EML2: variants seen among roughly 807,000 people sequenced by gnomAD.
The protein encoded by EML2 is echinoderm microtubule-associated protein-like 2.
A neutral mutation model predicts 84.7 loss-of-function variants in EML2; 59 were observed. The observed-to-expected ratio is 0.70, with a 90% CI of 0.56 to 0.86. EML2 has a LOEUF of 0.86. Ranked by LOEUF, EML2 falls within the 40% of genes least tolerant of loss-of-function variation. EML2 has a pLI of 0.00. For synonymous variants in EML2, 352 were observed against 348.9 expected (o/e 1.01, Z -0.10); for missense variants, 818 against 855.6 (o/e 0.96, Z 0.55).
chr19:45,610,839 A>T (rs574182501), intron 18 of EML2, among the ~76,000 whole-genome samples: 49 of 152,256 alleles, frequency 3.2e-4, no homozygotes, highest in African/African-American at 1.2e-3. Flanking sequence ...GACTCTGTCA[A>T]AAAAACAAAA....
chr19:45,626,649 C>A, intron 8 of EML2, 56 bp downstream of exon 8: 1 of 1,564,648 alleles, frequency 6.4e-7, no homozygotes, highest in Non-Finnish European at 8.7e-7. Flanking sequence ...ACCTCCCTGC[C>A]TGTCCCTAAC....
At chr19:45,629,043 C>G (rs143277823) in intron 7 of EML2, among the ~76,000 whole-genome samples, 1,584 of 152,176 alleles carry the variant, frequency 0.01, 22 homozygotes, top group African/African-American at 0.035. Flanking sequence ...ACCCACCCTT[C>G]TGTTGGGCCT....
intron 2 of EML2, 72 bp downstream of exon 2, chr19:45,638,773 C>T: frequency 6.2e-7 from 1 of 1,602,194 alleles, no homozygotes; most frequent in Non-Finnish European, 8.5e-7. Context: ...GCCAAGACTC[C>T]TGACCTCTGG....
chr19:45,616,178 G>C (rs1219110887), intron 15 of EML2: 5 of 561,622 alleles, frequency 8.9e-6, no homozygotes, highest in Non-Finnish European at 1.6e-5. Context: ...ATGTTGAGGG[G>C]CGGGGCTACA....
rs767577888 is a variant in EML2, at chr19:45,614,627, A to G, written c.1671T>C (p.Cys557=). Residue 557 remains cysteine, a synonymous_variant, in exon 17 of 19, where the codon TGT becomes TGC. Transcript: ENST00000245925. ...CACCAAACACCCCAAACCCTAGGACACAAGTAGCTGTGGCCCATTCCATGT... is the reference window on the plus strand; with the variant it reads ...CACCAAACACCCCAAACCCTAGGACGCAAGTAGCTGTGGCCCATTCCATGT... ...VRNMEWATAT[C]VLGFGVFGIW... 1 of 1,614,088 alleles carries G rather than the reference A, an allele frequency of 6.2e-7. No individual in the cohort carries two copies. Among genetic ancestry groups the G allele is most frequent in the South Asian group, 1.1e-5 (1 of 91,084 alleles).
At chr19:45,641,827 C>T, upstream of EML2, 1 of 1,507,474 alleles carries the variant, frequency 6.6e-7, no homozygotes, top group Non-Finnish European at 8.9e-7. Flanking sequence ...ATTCTCCCTG[C>T]ACCCTCTGCT....
In EML2 at chr19:45,634,346, A is replaced by C; in HGVS notation, c.305T>G (p.Leu102Arg). Residue 102 changes from leucine (L) to arginine (R), a missense_variant, in exon 4 of 19, where the codon CTG becomes CGG. Physicochemically the swap from Leu to Arg is moderately radical, Grantham distance 102. Coordinates refer to ENST00000245925, the MANE Select transcript of EML2 (RefSeq NM_012155.4). ...CCATTTGATGTCATCGTTGTGTCCC[A>C]GGTAGTGTCGCTGCCTCTGCTCCTC... ...SVEEQRQRHY[L>R]GHNDDIKCLA... 1 of 1,613,674 alleles carries C rather than the reference A, an allele frequency of 6.2e-7. No homozygotes were observed. Among genetic ancestry groups the C allele is most frequent in the South Asian group, 1.1e-5 (1 of 91,080 alleles).
At chr19:45,621,750 C>T (rs1971743225) in intron 9 of EML2, 113 bp from the exon 10 acceptor site, 4 of 994,680 alleles carry the variant, frequency 4.0e-6, no homozygotes, top group East Asian at 2.9e-5. Flanking sequence ...ACTTTTCCAC[C>T]TTTTTTTTTT....
Position 45,634,332 on chromosome 19 carries a change from C to G in EML2, c.319G>C (p.Asp107His). The G allele has an allele frequency of 6.2e-7, 1 of 1,613,330 alleles. No individual in the cohort carries two copies. The highest frequency in any genetic ancestry group is 8.5e-7 in the Non-Finnish European group (1 of 1,179,528). ...TGTCCCACATCTCACCATTTGATGT[C>G]ATCGTTGTGTCCCAGGTAGTGTCGC... ...RQRHYLGHND[D>H]IKCLAIHPDM... Residue 107 changes from aspartate (D) to histidine (H), a missense_variant, in exon 4 of 19, where the codon GAC becomes CAC. Transcript: ENST00000245925.
chr19:45,620,714 GAAAA>G, intron 11 of EML2: 5 of 106,862 alleles, frequency 4.7e-5, no homozygotes, highest in South Asian at 1.7e-4. Context: ...TCTCAAAAAT[GAAAA>G]AAAAAAAAAA....
At chr19:45,613,723 G>T in intron 17 of EML2, 52 bp from the exon 18 acceptor site, 1 of 1,587,566 alleles carries the variant, frequency 6.3e-7, no homozygotes. Context: ...GCCAGGGACC[G>T]CCAAGAGGAG....
At chr19:45,633,015 TG>T (rs758077378) in intron 5 of EML2, 44 bp from the exon 6 acceptor site, 2 of 1,604,134 alleles carry the variant, frequency 1.2e-6, no homozygotes, top group Non-Finnish European at 1.7e-6. Flanking sequence ...GCCAGCTGCT[TG>T]TCCCCCACAA....
intron 18 of EML2, 97 bp from the exon 19 acceptor site, chr19:45,609,885 C>T: frequency 7.2e-7 from 1 of 1,383,256 alleles, no homozygotes; most frequent in Admixed American, 2.8e-5. Context: ...TCTGCTCTTC[C>T]TCTTTTTTTT....
chr19:45,642,681 G>A, upstream of EML2: 1 of 389,522 alleles, frequency 2.6e-6, no homozygotes. Flanking sequence ...ACTAAGACGT[G>A]ACCAGGCGCA....
chr19:45,619,202 G>T lies in EML2; in HGVS notation c.1123-11C>A. On this transcript the variant is annotated splice_polypyrimidine_tract_variant and intron_variant, in intron 11 of 18. Transcript: ENST00000245925. The stretch of plus-strand genomic sequence containing the variant: ...CTCTTCCACATGGCCCTGGTGGAAA[G>T]GGAGGACAGCAGGATGGAGACAGCA... 6.2e-7 allele frequency: 1 copy of T among 1,608,020 alleles called. No individual in the cohort carries two copies.
upstream of EML2, chr19:45,642,475 G>A (rs1288466964): frequency 6.9e-7 from 1 of 1,439,778 alleles, no homozygotes; most frequent in Non-Finnish European, 9.1e-7. Flanking sequence ...CCGCTACCTG[G>A]GGCTGGGACA....
In EML2 at chr19:45,634,515, G is replaced by GTTGT. The variant is rs755941649; in HGVS notation, c.180-48_180-45dup. The GTTGT allele has an allele frequency of 3.3e-5, 46 of 1,412,830 alleles. No homozygotes were observed. In the Middle Eastern group the frequency reaches 8.5e-4, roughly 26 times the overall value. 87.5% of individuals were successfully genotyped at this position (1,412,830 alleles called of 1,614,324 possible). ...TGGTTAAGGAATGTGTTTTGTTGTT[G>GTTGT]TTGTTTGTTTGTTTTGTTTTTATTT... On this transcript the variant is annotated intron_variant, in intron 3 of 18. Transcript: ENST00000245925.
At chr19:45,642,071 G>C, upstream of EML2, 1 of 1,446,204 alleles carries the variant, frequency 6.9e-7, no homozygotes, top group Non-Finnish European at 9.1e-7. Context: ...GGACAGAAGA[G>C]GGTGAGTATA....
At chr19:45,625,317 T>G (rs1972179327) in intron 8 of EML2, among the ~76,000 whole-genome samples, 1 of 150,618 alleles carries the variant, frequency 6.6e-6, no homozygotes, top group Non-Finnish European at 1.5e-5. Context: ...CTCGGCTCAC[T>G]GCAACCTCCA....
Sources: allele counts gnomAD v4.1 joint callset (sites outside exome capture counted in the v4.1 genomes callset), GRCh38; gene constraint gnomAD v4.1.1; transcripts MANE v1.5; gene names NCBI Gene and HGNC (gene_info 2026-07-23, HGNC 2026-07-21).